The following CHD1L variants were observed in gnomAD, a reference collection of about 807,000 sequenced individuals.
CHD1L encodes ATP-dependent chromatin remodeler CHD1L.
CHD1L carries 118 observed loss-of-function variants against 115.9 expected under a neutral mutation model. That is an observed-to-expected ratio of 1.02 (90% CI 0.88 to 1.19). CHD1L has a LOEUF of 1.19. CHD1L is among the 50% of genes most tolerant of loss of function. The pLI is 0.00. For synonymous variants in CHD1L, 411 were observed against 387.1 expected (o/e 1.06, Z -0.72); for missense variants, 1,179 against 1,065.3 (o/e 1.11, Z -1.49).
the CHD1L span, chr1:147,213,374 A>C: frequency 3.1e-6 from 5 of 1,613,632 alleles, no homozygotes; most frequent in Non-Finnish European, 4.2e-6. Flanking sequence ...ACTCCATCAA[A>C]GACATTCATC....
chr1:147,258,501 C>T (rs1360530884), intron 5 of CHD1L, among the ~76,000 whole-genome samples: 1 of 152,214 alleles, frequency 6.6e-6, no homozygotes, highest in Non-Finnish European at 1.5e-5. Context: ...CACTGTGCAA[C>T]TTCAACTGGA....
chr1:147,285,913 G>A (rs1374621423), intron 17 of CHD1L, among the ~76,000 whole-genome samples: 3 of 152,018 alleles, frequency 2.0e-5, no homozygotes, highest in African/African-American at 7.2e-5. Context: ...GCCTAGGCTG[G>A]TCTCAAGATC....
At chr1:147,201,202 A>G in the CHD1L span, 1 of 1,614,026 alleles carries the variant, frequency 6.2e-7, no homozygotes, top group South Asian at 1.1e-5. Context: ...AATGGGCATA[A>G]TGGCTCCTAA....
At chr1:147,224,064 C>A in the CHD1L span, 1 of 381,292 alleles carries the variant, frequency 2.6e-6, no homozygotes, top group Non-Finnish European at 5.1e-6. Context: ...GTCTTCCTGC[C>A]TGCCCTGTGT....
the CHD1L span, among the ~76,000 whole-genome samples, chr1:147,194,273 G>C: frequency 6.6e-6 from 1 of 152,038 alleles, no homozygotes; most frequent in Non-Finnish European, 1.5e-5. Flanking sequence ...GGCCTTCTTT[G>C]TCTCTTTAGA....
At chr1:147,205,528 C>T in the CHD1L span, among the ~76,000 whole-genome samples, 1 of 152,080 alleles carries the variant, frequency 6.6e-6, no homozygotes, top group Admixed American at 6.6e-5. Flanking sequence ...GCCTTGGGTT[C>T]TTAAAAAGAA....
chr1:147,245,237 TTTAGCCAGGCACG>T (rs1275349759), intron 1 of CHD1L, among the ~76,000 whole-genome samples: 1 of 152,222 alleles, frequency 6.6e-6, no homozygotes, highest in African/African-American at 2.4e-5. Flanking sequence ...GTGACTTGGC[TTTAGCCAGGCACG>T]TGACTGGGAG....
chr1:147,188,331 C>T, the CHD1L span, among the ~76,000 whole-genome samples: 31 of 152,004 alleles, frequency 2.0e-4, no homozygotes, highest in African/African-American at 7.0e-4. Flanking sequence ...CGAGATCAGC[C>T]TGGGCAACAT....
the CHD1L span, among the ~76,000 whole-genome samples, chr1:147,226,549 C>T: frequency 6.6e-6 from 1 of 152,132 alleles, no homozygotes; most frequent in Non-Finnish European, 1.5e-5. Flanking sequence ...ACCAATATAA[C>T]AGATACAAGA....
At chr1:147,208,871 C>T in the CHD1L span, 49 of 1,613,930 alleles carry the variant, frequency 3.0e-5, no homozygotes, top group South Asian at 5.3e-4. Context: ...GGCTTCAGGC[C>T]AAACATTTCA....
chr1:147,229,782 G>C, the CHD1L span, among the ~76,000 whole-genome samples: 2 of 151,900 alleles, frequency 1.3e-5, no homozygotes, highest in African/African-American at 4.8e-5. Flanking sequence ...TTGTGAATGG[G>C]AGTTCACTCA....
chr1:147,206,476 C>A, the CHD1L span, among the ~76,000 whole-genome samples: 16 of 152,224 alleles, frequency 1.1e-4, no homozygotes, highest in African/African-American at 3.6e-4. Flanking sequence ...ATGTTTATTG[C>A]GGCACTATTC....
chr1:147,184,308 C>T, the CHD1L span: 1 of 516,658 alleles, frequency 1.9e-6, no homozygotes, highest in Admixed American at 4.4e-5. The surrounding 1 kb of genome is among the most constrained non-coding windows in gnomAD (Gnocchi z 4.4). Context: ...TCTCATGTAC[C>T]CCACATCCAA....
At chr1:147,220,398 C>G in the CHD1L span, among the ~76,000 whole-genome samples, 1 of 152,188 alleles carries the variant, frequency 6.6e-6, no homozygotes, top group East Asian at 1.9e-4. Context: ...ACAATGCAAT[C>G]TCAATCAACA....
the CHD1L span, among the ~76,000 whole-genome samples, chr1:147,199,881 A>G: frequency 6.6e-6 from 1 of 152,168 alleles, no homozygotes; most frequent in Admixed American, 6.5e-5. Flanking sequence ...TGAAAACAAA[A>G]AAGGTGTAAT....
chr1:147,274,304 C>G (rs1408788525), intron 12 of CHD1L, among the ~76,000 whole-genome samples: 1 of 152,126 alleles, frequency 6.6e-6, no homozygotes, highest in Non-Finnish European at 1.5e-5. Context: ...GTAGTAAGCA[C>G]AGCGTAAGTG....
chr1:147,242,514 G>A (rs1342018143), upstream of CHD1L: 3 of 508,002 alleles, frequency 5.9e-6, no homozygotes, highest in Non-Finnish European at 9.1e-6. Context: ...TCCACGCTCC[G>A]CACTGCAAGA....
the CHD1L span, among the ~76,000 whole-genome samples, chr1:147,221,837 A>G: frequency 0.093 from 14,081 of 152,222 alleles, 739 homozygotes; most frequent in African/African-American, 0.15. Context: ...CATCCTTCAA[A>G]TCCTTCGAAA....
rs1212470813 is a variant in CHD1L at position 147,287,619 on chromosome 1, C to T, written c.2222-16C>T. ...TTCACCTCCTATAGATGAAAATTTT[C>T]TCTTTCTTCAAACAGATGACTCTGG... On this transcript the variant is annotated splice_polypyrimidine_tract_variant and intron_variant, in intron 18 of 22. Transcript: ENST00000369258. 3.7e-6 allele frequency: 6 copies of T among 1,604,512 alleles called. No homozygotes were observed. The highest frequency in any genetic ancestry group is 5.1e-6 in the Non-Finnish European group (6 of 1,174,232).
Sources: gnomAD v4.1 joint callset for allele counts (sites outside exome capture counted in the v4.1 genomes callset) on GRCh38, gnomAD v4.1.1 for gene constraint, Gnocchi (gnomAD v3.1) non-coding constraint, MANE v1.5 for transcripts, NCBI Gene and HGNC (gene_info 2026-07-23, HGNC 2026-07-21) for gene names.